Variants in CSMD3 observed in about 807,000 individuals in gnomAD.
CSMD3 encodes CUB and sushi domain-containing protein 3.
CSMD3 carries 177 observed loss-of-function variants against 435.2 expected under a neutral mutation model. That is an observed-to-expected ratio of 0.41 (90% CI 0.36 to 0.46). The LOEUF is 0.46. Among genes scored for constraint, CSMD3 ranks in the 20% least tolerant of loss-of-function variants. CSMD3 has a pLI of 0.34. For synonymous variants in CSMD3, 1,656 were observed against 1,520.5 expected (o/e 1.09, Z -2.07); for missense variants, 4,265 against 4,504.6 (o/e 0.95, Z 1.52).
At chr8:112,636,484 A>G (rs926883235) in intron 22 of CSMD3, among the ~76,000 whole-genome samples, 12 of 105,340 alleles carry the variant, frequency 1.1e-4, no homozygotes, top group South Asian at 3.0e-4. Flanking sequence ...CTATCTGTCT[A>G]TCTGTCTATC....
At position 112,601,785 on chromosome 8, in the gene CSMD3, T is replaced by C. The variant is rs571607835; in HGVS notation, c.3716-14550A>G. Among the ~76,000 whole-genome samples the C allele has an allele frequency of 1.1e-3, 172 of 152,316 alleles. 2 individuals are homozygous for C. The highest frequency in any genetic ancestry group is 1.4e-3 in the South Asian group (7 of 4,828). On this transcript the variant is annotated intron_variant, in intron 22 of 70. Transcript: ENST00000297405. The stretch of plus-strand genomic sequence containing the variant: ...TAACTTTTAGTTTTACTTAGTTCAA[T>C]TAATATTTTTATATAGTGTCCCTTC...
chr8:112,848,661 G>C (rs1257925661), intron 11 of CSMD3, among the ~76,000 whole-genome samples: 1 of 152,032 alleles, frequency 6.6e-6, no homozygotes, highest in East Asian at 1.9e-4. Flanking sequence ...TTATTAACTT[G>C]TGTGATACTT....
chr8:112,696,817 A>G (rs1348563047), intron 13 of CSMD3, among the ~76,000 whole-genome samples: 1 of 151,924 alleles, frequency 6.6e-6, no homozygotes, highest in African/African-American at 2.4e-5. Context: ...AATTTTTGCA[A>G]TCTACTCATC....
chr8:113,103,092 C>A (rs2090376419), intron 4 of CSMD3, among the ~76,000 whole-genome samples: 1 of 152,078 alleles, frequency 6.6e-6, no homozygotes, highest in Admixed American at 6.6e-5. Context: ...TTAGTTTGGT[C>A]TTTCTAGATA....
chr8:113,302,504 C>A (rs2093780910), intron 2 of CSMD3, among the ~76,000 whole-genome samples: 1 of 150,782 alleles, frequency 6.6e-6, no homozygotes, highest in Non-Finnish European at 1.5e-5. Context: ...AAGAGTTAAT[C>A]TAAAATGTCT....
chr8:112,896,677 T>C (rs1280697199), intron 10 of CSMD3, among the ~76,000 whole-genome samples: 1 of 151,496 alleles, frequency 6.6e-6, no homozygotes, highest in Non-Finnish European at 1.5e-5. Context: ...ATGTTTGGTT[T>C]CATTCTTTAT....
intron 13 of CSMD3, among the ~76,000 whole-genome samples, chr8:112,778,318 A>G (rs1012822736): frequency 6.6e-6 from 1 of 151,962 alleles, no homozygotes; most frequent in Non-Finnish European, 1.5e-5. Flanking sequence ...CTATTGTCAT[A>G]TTATGTATCA....
At chr8:113,070,303 T>C (rs1372319006) in intron 5 of CSMD3, among the ~76,000 whole-genome samples, 1 of 152,032 alleles carries the variant, frequency 6.6e-6, no homozygotes, top group Non-Finnish European at 1.5e-5. Flanking sequence ...AAGGTAAATA[T>C]ATTTAACTGA....
At chr8:113,424,723 G>A (rs1404065689) in intron 1 of CSMD3, among the ~76,000 whole-genome samples, 3 of 151,370 alleles carry the variant, frequency 2.0e-5, no homozygotes, top group Non-Finnish European at 3.0e-5. Context: ...TGAACAGATG[G>A]GAGTCAATAA....
chr8:113,025,308 G>A (rs1235558455), intron 5 of CSMD3, among the ~76,000 whole-genome samples: 1 of 152,138 alleles, frequency 6.6e-6, no homozygotes, highest in African/African-American at 2.4e-5. Context: ...TGGTTTAGTA[G>A]GGTGTTTTGG....
At chr8:113,373,109 C>T (rs1286490044) in intron 1 of CSMD3, among the ~76,000 whole-genome samples, 4 of 152,042 alleles carry the variant, frequency 2.6e-5, no homozygotes, top group South Asian at 2.1e-4. Flanking sequence ...CTAGTACCAA[C>T]GCCACTCTGA....
intron 67 of CSMD3, among the ~76,000 whole-genome samples, chr8:112,236,981 T>C (rs1015506233): frequency 5.3e-5 from 8 of 152,138 alleles, no homozygotes; most frequent in African/African-American, 1.9e-4. Context: ...AAATAACTTA[T>C]TTTAAAACTA....
At chr8:112,334,450 G>C (rs1461883475) in intron 45 of CSMD3, among the ~76,000 whole-genome samples, 1 of 151,996 alleles carries the variant, frequency 6.6e-6, no homozygotes, top group Admixed American at 6.6e-5. Flanking sequence ...TTATGTAATG[G>C]GCAAAGCACA....
At chr8:112,994,303 A>G (rs192495116) in intron 6 of CSMD3, among the ~76,000 whole-genome samples, 3 of 151,874 alleles carry the variant, frequency 2.0e-5, no homozygotes, top group Non-Finnish European at 2.9e-5. Flanking sequence ...CTCAATGAAC[A>G]TGTACACACT....
intron 36 of CSMD3, among the ~76,000 whole-genome samples, chr8:112,389,951 C>T (rs895709789): frequency 6.6e-6 from 1 of 152,092 alleles, no homozygotes; most frequent in Non-Finnish European, 1.5e-5. Flanking sequence ...TGTTGATTAC[C>T]TATTTTTAAA....
intron 10 of CSMD3, among the ~76,000 whole-genome samples, chr8:112,877,445 T>G (rs1285538692): frequency 2.6e-5 from 4 of 151,942 alleles, no homozygotes; most frequent in Non-Finnish European, 5.9e-5. Context: ...TTTTTGTATT[T>G]TTAGTAGAAA....
intron 13 of CSMD3, among the ~76,000 whole-genome samples, chr8:112,743,047 G>C (rs2077346358): frequency 6.6e-6 from 1 of 152,008 alleles, no homozygotes; most frequent in Non-Finnish European, 1.5e-5. Context: ...GCTGGTGTCT[G>C]GGAGCATGAA....
intron 36 of CSMD3, 33 bp from the exon 37 acceptor site, chr8:112,383,696 A>G (rs779456300): frequency 7.9e-7 from 1 of 1,260,000 alleles, no homozygotes; most frequent in East Asian, 2.3e-5. Context: ...AAGAATACAC[A>G]TTTCTAACCA....
At chr8:112,832,774 C>T (rs553595761) in intron 11 of CSMD3, among the ~76,000 whole-genome samples, 39 of 152,232 alleles carry the variant, frequency 2.6e-4, no homozygotes, top group African/African-American at 8.7e-4. Context: ...CCTGTGGAAA[C>T]TGTGAGATAA....
Sources: allele counts gnomAD v4.1 joint callset (sites outside exome capture counted in the v4.1 genomes callset), GRCh38; gene constraint gnomAD v4.1.1; transcripts MANE v1.5; gene names NCBI Gene and HGNC (gene_info 2026-07-23, HGNC 2026-07-21).